The following IKZF5 variants were observed in gnomAD, a reference collection of about 807,000 sequenced individuals.
The protein encoded by IKZF5 is IKAROS family zinc finger 5.
Under a neutral mutation model 30.7 loss-of-function variants are expected in IKZF5, and 4 were observed. The ratio of observed to expected loss-of-function variants is 0.13; its 90% CI spans 0.06 to 0.30. The LOEUF (loss-of-function observed/expected upper bound fraction) is 0.30, where lower values mean the gene tolerates loss of function less well. Among genes scored for constraint, IKZF5 ranks in the 10% least tolerant of loss-of-function variants. The pLI is 1.00. For missense variants in IKZF5, 348 were observed against 525.5 expected (o/e 0.66, Z 3.30); for synonymous variants, 148 against 179.6 (o/e 0.82, Z 1.41).
At chr10:123,000,986 G>A (rs941520105) in intron 2 of IKZF5, among the ~76,000 whole-genome samples, 5 of 150,424 alleles carry the variant, frequency 3.3e-5, no homozygotes, top group African/African-American at 7.3e-5. Flanking sequence ...CACTGTGGTT[G>A]CCTTTTCGTT....
chr10:122,994,747 A>C lies in IKZF5; in HGVS notation c.317-24T>G. Reference sequence around the variant, plus strand: ...ACCTGTTTCAAAAGAAAAATGATGGAGAAACTACAAGAGTAGTTCATTTAT... The same window carrying C: ...ACCTGTTTCAAAAGAAAAATGATGGCGAAACTACAAGAGTAGTTCATTTAT... On this transcript the variant is annotated intron_variant, in intron 4 of 4. Transcript: ENST00000368886. The surrounding 1 kb of genome is among the most constrained non-coding windows in gnomAD (Gnocchi z 5.6). 1 of 1,539,998 alleles carries C rather than the reference A, an allele frequency of 6.5e-7. No homozygotes were observed. Among genetic ancestry groups the C allele is most frequent in the Non-Finnish European group, 8.8e-7 (1 of 1,136,978 alleles).
intron 2 of IKZF5, among the ~76,000 whole-genome samples, chr10:123,003,668 T>G (rs1003938231): frequency 3.9e-5 from 6 of 152,194 alleles, no homozygotes; most frequent in African/African-American, 1.4e-4. Context: ...ATAGAAAAAA[T>G]GGTTATAACT....
At chr10:123,006,751 C>T (rs1350867940) in intron 2 of IKZF5, among the ~76,000 whole-genome samples, 1 of 152,150 alleles carries the variant, frequency 6.6e-6, no homozygotes, top group Non-Finnish European at 1.5e-5. Context: ...GATGTGTTTA[C>T]CCTCCATAGC....
At chr10:123,002,976 T>C (rs1344021336) in intron 2 of IKZF5, among the ~76,000 whole-genome samples, 2 of 151,884 alleles carry the variant, frequency 1.3e-5, no homozygotes, top group Non-Finnish European at 1.5e-5. Context: ...CAAAACAAGA[T>C]TATTTGGAAA....
At chr10:122,997,921 A>G (rs1198823418) in intron 3 of IKZF5, among the ~76,000 whole-genome samples, 4 of 152,228 alleles carry the variant, frequency 2.6e-5, no homozygotes, top group Non-Finnish European at 5.9e-5. Context: ...ATACAAAAAC[A>G]GCAGTCCAGA....
chr10:123,002,065 C>T (rs536415386), intron 2 of IKZF5, among the ~76,000 whole-genome samples: 3 of 152,282 alleles, frequency 2.0e-5, no homozygotes, highest in East Asian at 1.9e-4. Flanking sequence ...TATTTTCGTA[C>T]TTCTTGTCTT....
chr10:123,002,256 C>G (rs111876746), intron 2 of IKZF5, among the ~76,000 whole-genome samples: 1 of 151,828 alleles, frequency 6.6e-6, no homozygotes, highest in Admixed American at 6.6e-5. Flanking sequence ...CAGTGGCTCA[C>G]GCTTGTAATC....
At chr10:123,008,520 A>C in intron 1 of IKZF5, 174 bp downstream of exon 1, 1 of 185,574 alleles carries the variant, frequency 5.4e-6, no homozygotes, top group South Asian at 8.2e-5. Flanking sequence ...CCGGCTAAAG[A>C]GGTCCCGGGC....
Position 122,994,434 on chromosome 10 carries a change from A to C in IKZF5, c.606T>G (p.Pro202=), listed in dbSNP as rs1275642339. ...AGTCTGGTTTCTGAACCACCATGGA[A>C]GGTGGACTTAAGTTGATTAGTGCTC... is the stretch of plus-strand genomic sequence containing the variant. ...SRRALINLSP[P]SMVVQKPDYL... is the part of the protein sequence containing the mutation. The change falls in exon 5 of 5, where the codon CCT becomes CCG. Residue 202 remains proline, a synonymous_variant. Coordinates refer to ENST00000368886, the MANE Select transcript of IKZF5 (RefSeq NM_001372123.1). The surrounding 1 kb of genome is among the most constrained non-coding windows in gnomAD (Gnocchi z 5.6). The C allele has an allele frequency of 1.9e-6, 3 of 1,613,964 alleles. No homozygotes were observed. In the African/African-American group the frequency reaches 4.0e-5, roughly 22 times the overall value.
intron 2 of IKZF5, among the ~76,000 whole-genome samples, chr10:123,006,540 T>C (rs1160528535): frequency 1.3e-5 from 2 of 152,048 alleles, no homozygotes; most frequent in Non-Finnish European, 2.9e-5. Flanking sequence ...TTCTTCCTTC[T>C]ATCTTTTTTA....
chr10:122,998,086 A>G (rs1322069580), intron 3 of IKZF5: 2 of 153,292 alleles, frequency 1.3e-5, no homozygotes, highest in Non-Finnish European at 2.9e-5. Context: ...ATAGGTAAAC[A>G]TGGTCAGCCC....
chr10:123,000,829 T>C (rs1324051698), intron 2 of IKZF5, among the ~76,000 whole-genome samples: 1 of 152,206 alleles, frequency 6.6e-6, no homozygotes, highest in African/African-American at 2.4e-5. Context: ...CTTTTTAATA[T>C]ATACTAATTA....
chr10:123,004,205 C>T (rs1190303786), intron 2 of IKZF5, among the ~76,000 whole-genome samples: 1 of 151,894 alleles, frequency 6.6e-6, no homozygotes, highest in African/African-American at 2.4e-5. Context: ...AGATTGTCTG[C>T]GTTCTAATTA....
At chr10:122,999,793 T>C (rs192293120) in intron 2 of IKZF5, among the ~76,000 whole-genome samples, 1 of 152,354 alleles carries the variant, frequency 6.6e-6, no homozygotes, top group Non-Finnish European at 1.5e-5. Flanking sequence ...GGTCTTCACA[T>C]AGGTTTATGG....
chr10:123,002,392 C>T (rs1373451121), intron 2 of IKZF5, among the ~76,000 whole-genome samples: 5 of 151,334 alleles, frequency 3.3e-5, no homozygotes, highest in Non-Finnish European at 7.4e-5. Context: ...TGGCAGCAGG[C>T]GCCTGTAATC....
At chr10:123,007,743 A>T (rs1475172691) in intron 1 of IKZF5, among the ~76,000 whole-genome samples, 1 of 152,208 alleles carries the variant, frequency 6.6e-6, no homozygotes, top group African/African-American at 2.4e-5. Flanking sequence ...CACTGTAACG[A>T]ACTCTCATCA....
intron 1 of IKZF5, among the ~76,000 whole-genome samples, chr10:123,007,452 T>C (rs1038047721): frequency 1.7e-4 from 26 of 152,186 alleles, no homozygotes; most frequent in Non-Finnish European, 2.9e-5. Flanking sequence ...TAAGTTAAAC[T>C]TCAGTTTAAA....
intron 2 of IKZF5, among the ~76,000 whole-genome samples, chr10:123,001,816 T>C (rs912747152): frequency 2.6e-5 from 4 of 152,232 alleles, no homozygotes; most frequent in African/African-American, 9.6e-5. Context: ...GCCTAAGTTT[T>C]TAAATAGTAG....
chr10:123,005,778 C>G (rs1349876659), intron 2 of IKZF5, among the ~76,000 whole-genome samples: 1 of 152,206 alleles, frequency 6.6e-6, no homozygotes, highest in Non-Finnish European at 1.5e-5. Flanking sequence ...AAAGCAAGCC[C>G]TCCCCAGATA....
Sources: allele counts gnomAD v4.1 joint callset (sites outside exome capture counted in the v4.1 genomes callset), GRCh38; gene constraint gnomAD v4.1.1; non-coding constraint Gnocchi (gnomAD v3.1); transcripts MANE v1.5; gene names NCBI Gene and HGNC (gene_info 2026-07-23, HGNC 2026-07-21).